KMT2D: variants seen among roughly 807,000 people sequenced by gnomAD.
KMT2D encodes histone-lysine N-methyltransferase 2D.
Under a neutral mutation model 512.7 loss-of-function variants are expected in KMT2D, and 55 were observed. That is an observed-to-expected ratio of 0.11 (90% CI 0.09 to 0.13). The LOEUF (loss-of-function observed/expected upper bound fraction) is 0.13, where lower values mean the gene tolerates loss of function less well. Ranked by LOEUF, KMT2D falls within the 10% of genes least tolerant of loss-of-function variation. KMT2D has a pLI of 1.00. For synonymous variants in KMT2D, 2,995 were observed against 2,904.0 expected (o/e 1.03, Z -1.01); for missense variants, 6,061 against 7,127.9 (o/e 0.85, Z 5.39).
rs1942968324 is a variant in KMT2D, at chr12:49,032,462, C to CTGGGGT, written c.12237_12242dup (p.Gln4085_Pro4086dup). ...GCAGAGAGCTGGGCTGAGGCTGGGG[C>CTGGGGT]TGGGGTTGGACAAGCAGGAGTTGTG... On this transcript the variant is annotated inframe_insertion, in exon 40 of 55. Transcript: ENST00000301067. 1.3e-6 allele frequency: 2 copies of CTGGGGT among 1,567,850 alleles called. No homozygotes were observed. Among genetic ancestry groups the CTGGGGT allele is most frequent in the Admixed American group, 3.8e-5 (2 of 52,170 alleles).
At position 49,021,241 on chromosome 12, in the gene KMT2D, G is replaced by A. The variant is rs922185695; in HGVS notation, c.*539C>T. On this transcript the variant is annotated 3_prime_UTR_variant, in exon 55 of 55. Transcript: ENST00000301067. ...CAACCCATAGAGAGACAGAAACACA[G>A]AGGAAAAGAGGGAAACAGAGACAGA... The A allele has an allele frequency of 5.0e-6, 1 of 198,776 alleles. No homozygotes were observed. Among genetic ancestry groups the A allele is most frequent in the African/African-American group, 2.3e-5 (1 of 43,146 alleles). The allele number at this position is 198,776 out of a possible 1,614,324, so 12.3% of individuals were successfully genotyped here.
In KMT2D at chr12:49,042,022, C is replaced by T; in HGVS notation, c.6110-32G>A. On this transcript the variant is annotated intron_variant, in intron 29 of 54. Coordinates refer to ENST00000301067, the MANE Select transcript of KMT2D (RefSeq NM_003482.4). This position sits in a 1 kb window ranked among gnomAD's most constrained non-coding sequence, Gnocchi z 4.4. ...GGCAGAGAGAGTGAGTCAGAGAAGACTTGGCAGGCGACTCCTCCACCTGCC... is the reference window on the plus strand; with the variant it reads ...GGCAGAGAGAGTGAGTCAGAGAAGATTTGGCAGGCGACTCCTCCACCTGCC... The T allele has an allele frequency of 2.5e-6, 4 of 1,611,946 alleles. No individual in the cohort carries two copies. The highest frequency in any genetic ancestry group is 3.4e-6 in the Non-Finnish European group (4 of 1,178,624).
rs777982013 is a variant in KMT2D, at chr12:49,021,445, C to A, written c.*335G>T. ...GGCCCGGCCACACATCCTCTTCCCC[C>A]ACCCTGCTGCCTCCCAGATGCTTCT... On this transcript the variant is annotated 3_prime_UTR_variant, in exon 55 of 55. Coordinates refer to ENST00000301067, the MANE Select transcript of KMT2D (RefSeq NM_003482.4). The A allele has an allele frequency of 8.3e-6, 3 of 363,302 alleles. No individual in the cohort carries two copies. Among genetic ancestry groups the A allele is most frequent in the African/African-American group, 2.1e-5 (1 of 48,772 alleles). 22.5% of individuals were successfully genotyped at this position (363,302 alleles called of 1,614,324 possible). A position where few individuals can be genotyped will look rare whatever the true frequency, so the allele number is the denominator to read the frequency against.
In KMT2D at chr12:49,053,335, T is replaced by C. The variant is rs374309012; in HGVS notation, c.840-14A>G. On this transcript the variant is annotated splice_polypyrimidine_tract_variant and intron_variant, in intron 7 of 54. Coordinates refer to ENST00000301067, the MANE Select transcript of KMT2D (RefSeq NM_003482.4). Reference sequence around the variant, plus strand: ...TTCCCAGGTTTCCTGCAGGTGCACATGGAACATTACAGTGTCCTCTCTGCC... The same window carrying C: ...TTCCCAGGTTTCCTGCAGGTGCACACGGAACATTACAGTGTCCTCTCTGCC... 5.6e-6 allele frequency: 9 copies of C among 1,609,800 alleles called. No individual in the cohort carries two copies. The highest frequency in any genetic ancestry group is 1.7e-5 in the Admixed American group (1 of 60,010).
In KMT2D at chr12:49,038,304, C is replaced by T. The variant is rs2120493956; in HGVS notation, c.9052G>A (p.Val3018Met). ...CCAAGTTCATCATCACCCTTGGCCA[C>T]ATCCACACCCAGACCCAGGTGAGCA... ...ELAHLGLGVD[V>M]AKGDDELGTL... The change falls in exon 35 of 55, where the codon GTG becomes ATG. Residue 3018 changes from valine (V) to methionine (M), a missense_variant. By Grantham distance (21) the Val-to-Met change is conservative. Transcript: ENST00000301067. This position sits in a 1 kb window ranked among gnomAD's most constrained non-coding sequence, Gnocchi z 5.7. 1 of 1,613,878 alleles carries T rather than the reference C, an allele frequency of 6.2e-7. No individual in the cohort carries two copies. Among genetic ancestry groups the T allele is most frequent in the Middle Eastern group, 1.6e-4 (1 of 6,062 alleles).
In KMT2D at chr12:49,041,315, C is replaced by A. The variant is rs1403974587; in HGVS notation, c.6455G>T (p.Gly2152Val). 6.5e-7 allele frequency: 1 copy of A among 1,537,916 alleles called. No individual in the cohort carries two copies. Among genetic ancestry groups the A allele is most frequent in the South Asian group, 1.3e-5 (1 of 78,558 alleles). Residue 2152 changes from glycine (G) to valine (V), a missense_variant, in exon 32 of 55, where the codon GGC (glycine) becomes GTC (valine). Physicochemically the swap from Gly to Val is moderately radical, Grantham distance 109. Transcript: ENST00000301067. This position sits in a 1 kb window ranked among gnomAD's most constrained non-coding sequence, Gnocchi z 5.4. ...GAAGAGCTCACCAGGCGAGTCAGGG[C>A]CAGGCACCGAGCCCGCCGGCGGCTT... ...FLKPPAGSVP[G>V]PDSPGELFLK...
In KMT2D at chr12:49,049,246, G is replaced by A. The variant is rs752542905; in HGVS notation, c.3907-28C>T. On this transcript the variant is annotated intron_variant, in intron 12 of 54. Transcript: ENST00000301067. ...GAGTGAAAGAAGGGGACAATGACAG[G>A]AGCATGTCAAGGGCTAGTGTGTTGG... 1.2e-5 allele frequency: 17 copies of A among 1,438,732 alleles called. No individual in the cohort carries two copies. In the African/African-American group the frequency reaches 2.2e-4, roughly 19 times the overall value. The allele number at this position is 1,438,732 out of a possible 1,614,324, so 89.1% of individuals were successfully genotyped here. A position where few individuals can be genotyped will look rare whatever the true frequency, so the allele number is the denominator to read the frequency against.
rs374697180 is a variant in KMT2D at position 49,038,954 on chromosome 12, C to T, written c.8402G>A (p.Arg2801Gln). ...LVGGSQAFYQ[R>Q]APYPGSLPLQ... ...GGGCAGGGACCCAGGATAGGGTGCT[C>T]GCTGATAGAAAGCTTGGGAGCCTCC... The change falls in exon 35 of 55, where the codon CGA becomes CAA. Residue 2801 changes from arginine to glutamine, a missense_variant. Physicochemically the swap from Arg to Gln is conservative, Grantham distance 43. Transcript: ENST00000301067. The surrounding 1 kb of genome is among the most constrained non-coding windows in gnomAD (Gnocchi z 5.7). The T allele has an allele frequency of 9.7e-6, 15 of 1,551,514 alleles. No homozygotes were observed. The highest frequency in any genetic ancestry group is 6.9e-5 in the African/African-American group (5 of 72,976).
In KMT2D at chr12:49,042,927, G is replaced by T; in HGVS notation, c.5645-49C>A. Reference sequence around the variant, plus strand: ...TTGAGGAAGACTGGGAAGTTCAGGTGACACCACAGGTCTACAAATGATCAT... The same window carrying T: ...TTGAGGAAGACTGGGAAGTTCAGGTTACACCACAGGTCTACAAATGATCAT... On this transcript the variant is annotated intron_variant, in intron 26 of 54. Coordinates refer to ENST00000301067, the MANE Select transcript of KMT2D (RefSeq NM_003482.4). This position sits in a 1 kb window ranked among gnomAD's most constrained non-coding sequence, Gnocchi z 4.4. 1 of 1,609,552 alleles carries T rather than the reference G, an allele frequency of 6.2e-7. No homozygotes were observed. Among genetic ancestry groups the T allele is most frequent in the Non-Finnish European group, 8.5e-7 (1 of 1,176,600 alleles).
In KMT2D at chr12:49,044,265, G is replaced by C. The variant is rs1943681299; in HGVS notation, c.5123C>G (p.Thr1708Arg). ...GFMVRQRKSH[T>R]RTKKGPAAQA... ...TGCAGCAGGCCCCTTTTTCGTGCGTGTGTGGGATTTCCGCTGTCGCACCAT... is the reference window on the plus strand; with the variant it reads ...TGCAGCAGGCCCCTTTTTCGTGCGTCTGTGGGATTTCCGCTGTCGCACCAT... The change falls in exon 22 of 55, where the codon ACA becomes AGA. Residue 1708 changes from threonine (T) to arginine (R), a missense_variant. This residue lies in a region of KMT2D where 640 missense variants were observed against 814.3 expected (regional missense o/e 0.79). Coordinates refer to ENST00000301067, the MANE Select transcript of KMT2D (RefSeq NM_003482.4). This position sits in a 1 kb window ranked among gnomAD's most constrained non-coding sequence, Gnocchi z 6.4. The C allele has an allele frequency of 6.2e-7, 1 of 1,613,234 alleles. No homozygotes were observed. Among genetic ancestry groups the C allele is most frequent in the African/African-American group, 1.3e-5 (1 of 74,896 alleles).
chr12:49,023,742 AACACAGGCACTCACAGTTTGAAAACC>A (rs1450616085), intron 51 of KMT2D, among the ~76,000 whole-genome samples: 22 of 152,172 alleles, frequency 1.4e-4, no homozygotes, highest in African/African-American at 5.3e-4. Flanking sequence ...GACTTTTTGG[AACACAGGCACTCACAGTTTGAAAACC>A]ACCATTGCAG....
rs376733417 is a variant in KMT2D at position 49,041,863 on chromosome 12, G to A, written c.6183+54C>T. The A allele has an allele frequency of 1.0e-4, 158 of 1,547,814 alleles. No homozygotes were observed. The highest frequency in any genetic ancestry group is 1.4e-4 in the Non-Finnish European group (155 of 1,138,510). ...AAAGAACTGAGGTAAATTACCCAAA[G>A]ATCCCTCCCTCCCTCTCAGTTCCCA... On this transcript the variant is annotated intron_variant, in intron 30 of 54. Transcript: ENST00000301067. The surrounding 1 kb of genome is among the most constrained non-coding windows in gnomAD (Gnocchi z 5.4).
chr12:49,041,841 G>A lies in KMT2D; in HGVS notation c.6183+76C>T. ...CTGCTTTAGGAGTGGGGAGCGGAAA[G>A]AACTGAGGTAAATTACCCAAAGATC... On this transcript the variant is annotated intron_variant, in intron 30 of 54. Transcript: ENST00000301067. The surrounding 1 kb of genome is among the most constrained non-coding windows in gnomAD (Gnocchi z 5.4). 1 of 1,528,238 alleles carries A rather than the reference G, an allele frequency of 6.5e-7. No homozygotes were observed. The highest frequency in any genetic ancestry group is 8.9e-7 in the Non-Finnish European group (1 of 1,123,212). 94.7% of individuals were successfully genotyped at this position (1,528,238 alleles called of 1,614,324 possible). A position where few individuals can be genotyped will look rare whatever the true frequency, so the allele number is the denominator to read the frequency against.
Position 49,027,989 on chromosome 12 carries a change from G to A in KMT2D, c.14515+20C>T, listed in dbSNP as rs201029346. On this transcript the variant is annotated intron_variant, in intron 47 of 54. Transcript: ENST00000301067. ...GAATCACTCCCCTCAAGTCCCAAAG[G>A]GCTTCCCTGCCACACTCACCAGGAC... 2.7e-4 allele frequency: 429 copies of A among 1,613,364 alleles called. 1 individual carries two copies. In the East Asian group the frequency reaches 8.8e-3, roughly 33 times the overall value.
rs2120540124 is a variant in KMT2D, at chr12:49,041,021, G to A, written c.6749C>T (p.Pro2250Leu). 1 of 1,577,768 alleles carries A rather than the reference G, an allele frequency of 6.3e-7. No homozygotes were observed. The highest frequency in any genetic ancestry group is 8.6e-7 in the Non-Finnish European group (1 of 1,160,988). ...AGGCACAGCCAAGTTATCCAGCGAGGGGCAGCGGGGTTTGAGGAATGGGTC... is the reference window on the plus strand; with the variant it reads ...AGGCACAGCCAAGTTATCCAGCGAGAGGCAGCGGGGTTTGAGGAATGGGTC... The part of the protein sequence containing the change: ...TPDPFLKPRC[P>L]SLDNLAVPES... Residue 2250 changes from proline to leucine, a missense_variant, in exon 32 of 55, where the codon CCC becomes CTC. Coordinates refer to ENST00000301067, the MANE Select transcript of KMT2D (RefSeq NM_003482.4). This position sits in a 1 kb window ranked among gnomAD's most constrained non-coding sequence, Gnocchi z 5.4.
At position 49,041,087 on chromosome 12, in the gene KMT2D, G is replaced by C; in HGVS notation, c.6683C>G (p.Thr2228Ser). 1 of 1,535,470 alleles carries C rather than the reference G, an allele frequency of 6.5e-7. No individual in the cohort carries two copies. The highest frequency in any genetic ancestry group is 1.3e-5 in the South Asian group (1 of 76,936). ...PGAGQPGEFH[T>S]TPPGTPRHQP... ...GTGTCTGGGGGTGCCAGGTGGGGTA[G>C]TGTGGAATTCCCCTGGCTGGCCAGC... is the stretch of plus-strand genomic sequence containing the variant. The change falls in exon 32 of 55, where the codon ACT becomes AGT. Residue 2228 changes from threonine (T) to serine (S), a missense_variant. By Grantham distance (58) the Thr-to-Ser change is moderately conservative. Coordinates refer to ENST00000301067, the MANE Select transcript of KMT2D (RefSeq NM_003482.4). The surrounding 1 kb of genome is among the most constrained non-coding windows in gnomAD (Gnocchi z 5.4).
chr12:49,042,320 C>T lies in KMT2D; in HGVS notation c.5878G>A (p.Gly1960Ser), dbSNP rs2120554643. ...TCACCGGGTTCCGGGCTAAAGAAGC[C>T]CCCGCGCTCCCTGGGGCGCAGGGGC... ...SPFLDSRERGGFFSPEPGEPD... is the reference protein window; with the variant it reads ...SPFLDSRERGSFFSPEPGEPD... Residue 1960 changes from glycine (G) to serine (S), a missense_variant, in exon 29 of 55, where the codon GGC becomes AGC. By Grantham distance (56) the Gly-to-Ser change is moderately conservative. Around this residue, in one of 16 missense-constraint regions of KMT2D, gnomAD observed 640 missense variants for 814.3 expected, o/e 0.79. Transcript: ENST00000301067. This position sits in a 1 kb window ranked among gnomAD's most constrained non-coding sequence, Gnocchi z 4.4. 1 of 1,535,100 alleles carries T rather than the reference C, an allele frequency of 6.5e-7. No individual in the cohort carries two copies. Among genetic ancestry groups the T allele is most frequent in the Non-Finnish European group, 8.8e-7 (1 of 1,139,850 alleles).
At chr12:49,023,621 T>C (rs1942433036) in intron 51 of KMT2D, among the ~76,000 whole-genome samples, 1 of 152,186 alleles carries the variant, frequency 6.6e-6, no homozygotes, top group Non-Finnish European at 1.5e-5. Context: ...TGACTGGAAC[T>C]CCAATACATA....
chr12:49,033,522 A>C lies in KMT2D; in HGVS notation c.11183T>G (p.Met3728Arg), dbSNP rs750188600. 1.9e-6 allele frequency: 3 copies of C among 1,612,986 alleles called. No individual in the cohort carries two copies. Among genetic ancestry groups the C allele is most frequent in the Non-Finnish European group, 2.5e-6 (3 of 1,179,642 alleles). The part of the protein sequence containing the change: ...ERQLQLQQQR[M>R]QLAQKLQQQQ... ...CTGCTGCAGTTTCTGGGCCAGCTGC[A>C]TACGTTGCTGCTGCAGCTGCAGCTG... The change falls in exon 40 of 55, where the codon ATG becomes AGG. Residue 3728 changes from methionine (M) to arginine (R), a missense_variant. By Grantham distance (91) the Met-to-Arg change is moderately conservative (BLOSUM62 -1). This residue lies in a region of KMT2D where 1,600 missense variants were observed against 1,754.9 expected (regional missense o/e 0.91). Coordinates refer to ENST00000301067, the MANE Select transcript of KMT2D (RefSeq NM_003482.4).
Sources: gnomAD v4.1 joint callset for allele counts (sites outside exome capture counted in the v4.1 genomes callset) on GRCh38, gnomAD v4.1.1 for gene constraint, gnomAD v4.1.1 regional missense constraint, Gnocchi (gnomAD v3.1) non-coding constraint, MANE v1.5 for transcripts, NCBI Gene and HGNC (gene_info 2026-07-23, HGNC 2026-07-21) for gene names.